CALD1: variants seen among roughly 807,000 people sequenced by gnomAD.
The protein encoded by CALD1 is caldesmon 1.
Under a neutral mutation model 99.9 loss-of-function variants are expected in CALD1, and 33 were observed. The observed-to-expected ratio is 0.33, with a 90% CI of 0.25 to 0.44. CALD1 has a LOEUF of 0.44. CALD1 is among the 20% of genes least tolerant of loss of function. CALD1 has a pLI of 1.00. For missense variants in CALD1, 861 were observed against 962.1 expected (o/e 0.89, Z 1.39); for synonymous variants, 310 against 325.0 (o/e 0.95, Z 0.50).
intron 1 of CALD1, among the ~76,000 whole-genome samples, chr7:134,794,120 C>G (rs1797654944): frequency 6.6e-6 from 1 of 152,146 alleles, no homozygotes; most frequent in East Asian, 1.9e-4. Context: ...ACACACACTT[C>G]AAAATAAGCC....
chr7:134,815,486 ACT>A (rs1390443117), intron 1 of CALD1, among the ~76,000 whole-genome samples: 1 of 151,506 alleles, frequency 6.6e-6, no homozygotes, highest in Non-Finnish European at 1.5e-5. Context: ...GGTACATGTC[ACT>A]CTTGCTTTGT....
intron 7 of CALD1, among the ~76,000 whole-genome samples, chr7:134,947,253 C>T (rs1257590806): frequency 6.6e-6 from 1 of 152,114 alleles, no homozygotes; most frequent in Non-Finnish European, 1.5e-5. Context: ...ATAGCAGCTG[C>T]ACAACTTTAC....
At chr7:134,726,522 A>T in the CALD1 span, among the ~76,000 whole-genome samples, 2 of 143,472 alleles carry the variant, frequency 1.4e-5, no homozygotes, top group South Asian at 2.1e-4. Flanking sequence ...ACAATATATT[A>T]TATATATATA....
At chr7:134,834,088 A>G (rs2132094511) in intron 1 of CALD1, among the ~76,000 whole-genome samples, 1 of 152,346 alleles carries the variant, frequency 6.6e-6, no homozygotes, top group African/African-American at 2.4e-5. Flanking sequence ...CACATTTCTG[A>G]TGATACGTCA....
chr7:134,817,425 G>A (rs1798603878), intron 1 of CALD1, among the ~76,000 whole-genome samples: 1 of 152,114 alleles, frequency 6.6e-6, no homozygotes. Context: ...GTAACATCTT[G>A]CATAACTACA....
intron 3 of CALD1, among the ~76,000 whole-genome samples, chr7:134,886,040 T>C (rs991560511): frequency 1.3e-5 from 2 of 152,112 alleles, no homozygotes; most frequent in Non-Finnish European, 2.9e-5. Flanking sequence ...GAAAAGAAAA[T>C]AGTCCAGTTG....
intron 1 of CALD1, among the ~76,000 whole-genome samples, chr7:134,830,372 ATCAG>A (rs1799172261): frequency 6.6e-6 from 1 of 152,092 alleles, no homozygotes; most frequent in South Asian, 2.1e-4. Flanking sequence ...TTATCAAGGC[ATCAG>A]TCAATCTTAA....
the CALD1 span, among the ~76,000 whole-genome samples, chr7:134,738,842 G>A: frequency 6.6e-6 from 1 of 152,200 alleles, no homozygotes; most frequent in African/African-American, 2.4e-5. Context: ...AGGAGTCTAA[G>A]AGAATAGCGC....
At chr7:134,920,838 G>A (rs549450753) in intron 3 of CALD1, 2 of 456,842 alleles carry the variant, frequency 4.4e-6, no homozygotes, top group Non-Finnish European at 3.9e-6. Flanking sequence ...ATATAGGAAT[G>A]TGCAGAAACA....
intron 7 of CALD1, among the ~76,000 whole-genome samples, chr7:134,942,115 G>A (rs771230063): frequency 7.2e-5 from 11 of 152,158 alleles, no homozygotes; most frequent in African/African-American, 1.2e-4. Flanking sequence ...TTTGTCACTG[G>A]TTGCTGTGCC....
chr7:134,960,253 C>A (rs749419857), intron 12 of CALD1, 142 bp downstream of exon 12: 10 of 950,956 alleles, frequency 1.1e-5, no homozygotes, highest in East Asian at 2.6e-5. Flanking sequence ...ACCACAAAAG[C>A]AAGCTCAGAG....
chr7:134,744,453 G>GTA (rs1796617480), intron 1 of CALD1: 1 of 125,804 alleles, frequency 7.9e-6, no homozygotes, highest in East Asian at 2.0e-4. Context: ...AGGAAGTCGT[G>GTA]TGTGTGTGTG....
At position 134,865,563 on chromosome 7, in the gene CALD1, A is replaced by C. The variant is rs76907045; in HGVS notation, c.-41-2130A>C. Among the ~76,000 whole-genome samples, 335 of 152,366 alleles carry C rather than the reference A, an allele frequency of 2.2e-3. 2 individuals carry two copies. The highest frequency in any genetic ancestry group is 7.5e-3 in the African/African-American group (313 of 41,592). On this transcript the variant is annotated intron_variant, in intron 2 of 14. Coordinates refer to ENST00000361675, the MANE Select transcript of CALD1 (RefSeq NM_033138.4). ...CAGGTAGTTTTTCTATGGCTGGGAA[A>C]GAAAAAGTGCTCAAGTAAGCAAGAG...
intron 3 of CALD1, among the ~76,000 whole-genome samples, chr7:134,904,646 C>T (rs528631078): frequency 2.6e-5 from 4 of 152,054 alleles, no homozygotes; most frequent in Non-Finnish European, 5.9e-5. Context: ...TGGGTCCTTC[C>T]CTCACAGGTA....
In CALD1 at chr7:134,950,468, A is replaced by G; in HGVS notation, c.1889A>G (p.Asp630Gly). The change falls in exon 9 of 15, where the codon GAC becomes GGC. Residue 630 changes from aspartate (D) to glycine (G), a missense_variant. Asp to Gly is a moderately conservative substitution (Grantham distance 94). This residue lies in a region of CALD1 where 190 missense variants were observed against 249.0 expected (regional missense o/e 0.76). Transcript: ENST00000361675. ...QKMPEDGLSDDKKPFKCFTPK... is the reference protein window; with the variant it reads ...QKMPEDGLSDGKKPFKCFTPK... ...ATGCCAGAAGATGGCTTGTCAGATG[A>G]CAAGAAACCATTCAAGTGTTTCACT... is the stretch of plus-strand genomic sequence containing the variant. 2 of 1,614,116 alleles carry G rather than the reference A, an allele frequency of 1.2e-6. No individual in the cohort carries two copies. The highest frequency in any genetic ancestry group is 1.7e-6 in the Non-Finnish European group (2 of 1,179,920).
Position 134,750,450 on chromosome 7 carries a change from A to G in CALD1, c.-130+6087A>G, listed in dbSNP as rs868671359. Among the ~76,000 whole-genome samples the G allele has an allele frequency of 7.9e-5, 12 of 152,292 alleles. No individual in the cohort carries two copies. The South Asian group carries it at 2.3e-3, about 29-fold the overall frequency. Reference sequence around the variant, plus strand: ...CACAAGTTTCTTTCCTAGTAGAACCATATATTACCGATTACCGCTAGAATT... The same window carrying G: ...CACAAGTTTCTTTCCTAGTAGAACCGTATATTACCGATTACCGCTAGAATT... On this transcript the variant is annotated intron_variant, in intron 1 of 13. Transcript: ENST00000417172.
intron 3 of CALD1, among the ~76,000 whole-genome samples, chr7:134,877,214 C>G (rs895823988): frequency 3.9e-5 from 6 of 152,130 alleles, no homozygotes; most frequent in African/African-American, 2.4e-5. Flanking sequence ...AGAAACTCAG[C>G]CTTTTGGCAG....
At chr7:134,871,763 G>C (rs1801090813) in intron 3 of CALD1, among the ~76,000 whole-genome samples, 1 of 152,104 alleles carries the variant, frequency 6.6e-6, no homozygotes, top group Non-Finnish European at 1.5e-5. Flanking sequence ...TTAGTATTGA[G>C]TCTGATTGCC....
At chr7:134,880,151 T>C (rs758697561) in intron 3 of CALD1, among the ~76,000 whole-genome samples, 3 of 152,208 alleles carry the variant, frequency 2.0e-5, no homozygotes, top group Non-Finnish European at 2.9e-5. Flanking sequence ...AATATGTGCT[T>C]TTTATTTTTC....
Sources: gnomAD v4.1 joint callset for allele counts (sites outside exome capture counted in the v4.1 genomes callset) on GRCh38, gnomAD v4.1.1 for gene constraint, gnomAD v4.1.1 regional missense constraint, MANE v1.5 for transcripts, NCBI Gene and HGNC (gene_info 2026-07-23, HGNC 2026-07-21) for gene names.